The following ZPLD1 variants were observed in gnomAD, a reference collection of about 807,000 sequenced individuals.
The protein encoded by ZPLD1 is zona pellucida-like domain-containing protein 1.
A neutral mutation model predicts 47.2 loss-of-function variants in ZPLD1; 34 were observed. The ratio of observed to expected loss-of-function variants is 0.72; its 90% CI spans 0.55 to 0.96. ZPLD1 has a LOEUF of 0.96. ZPLD1 is among the 40% of genes least tolerant of loss of function. The pLI, the probability that ZPLD1 is intolerant of heterozygous loss-of-function variation, is 0.00. For synonymous variants in ZPLD1, 176 were observed against 186.2 expected (o/e 0.95, Z 0.45); for missense variants, 512 against 505.8 (o/e 1.01, Z -0.12).
chr3:102,422,955 G>A (rs1032914459), intron 8 of ZPLD1, among the ~76,000 whole-genome samples: 10 of 152,028 alleles, frequency 6.6e-5, no homozygotes, highest in African/African-American at 9.7e-5. Flanking sequence ...GGTGTGAAAT[G>A]TCATGGTTAT....
chr3:102,473,698 G>T (rs1266454535), intron 10 of ZPLD1, among the ~76,000 whole-genome samples: 1 of 152,090 alleles, frequency 6.6e-6, no homozygotes, highest in Non-Finnish European at 1.5e-5. Flanking sequence ...GTAATACTAT[G>T]ATATCCATGA....
At chr3:102,465,900 G>T (rs952607985) in intron 8 of ZPLD1, among the ~76,000 whole-genome samples, 1 of 152,058 alleles carries the variant, frequency 6.6e-6, no homozygotes, top group Non-Finnish European at 1.5e-5. Context: ...AAGAAAAGTG[G>T]GTGCTGAGGG....
intron 2 of ZPLD1, 51 bp from the exon 3 acceptor site, chr3:102,438,429 G>A: frequency 7.6e-7 from 1 of 1,310,236 alleles, no homozygotes; most frequent in Non-Finnish European, 1.1e-6. Context: ...CAGTAAGTAG[G>A]AGTGAAGGAG....
rs1029693582 is a variant in ZPLD1 at position 102,468,863 on chromosome 3, A to C, written c.762-101A>C. On this transcript the variant is annotated intron_variant, in intron 8 of 11. Coordinates refer to ENST00000466937, the MANE Select transcript of ZPLD1 (RefSeq NM_001329788.2). ...ACGTGGCATGGTTCTGTTAGCTCTTAATGTAATGGCGGAGTCTTAATACGG... is the reference window on the plus strand; with the variant it reads ...ACGTGGCATGGTTCTGTTAGCTCTTCATGTAATGGCGGAGTCTTAATACGG... 2.3e-5 allele frequency: 26 copies of C among 1,115,546 alleles called. 1 individual carries two copies. The highest frequency in any genetic ancestry group is 2.3e-4 in the South Asian group (14 of 60,170). 69.1% of individuals were successfully genotyped at this position (1,115,546 alleles called of 1,614,324 possible).
intron 7 of ZPLD1, among the ~76,000 whole-genome samples, chr3:102,463,006 A>G (rs1251581136): frequency 1.3e-5 from 2 of 152,178 alleles, no homozygotes; most frequent in African/African-American, 2.4e-5. Context: ...GGTATACTCT[A>G]TAAATTTAGT....
intron 5 of ZPLD1, among the ~76,000 whole-genome samples, 160 bp downstream of exon 5, chr3:102,456,534 G>A (rs1456448455): frequency 7.0e-6 from 1 of 142,840 alleles, no homozygotes; most frequent in South Asian, 2.3e-4. Context: ...ACCTCTATCT[G>A]TTTATCTATT....
Position 102,469,907 on chromosome 3 carries a change from C to T in ZPLD1, c.934-487C>T, listed in dbSNP as rs181135833. Among the ~76,000 whole-genome samples the T allele has an allele frequency of 2.6e-5, 4 of 152,222 alleles. No homozygotes were observed. The East Asian group carries it at 7.7e-4, about 29-fold the overall frequency. ...TATTAACCTGAGAAAAATGCATGCC[C>T]TTTTTTAATTTGAAATACCATTAAT... On this transcript the variant is annotated intron_variant, in intron 9 of 11. Coordinates refer to ENST00000466937, the MANE Select transcript of ZPLD1 (RefSeq NM_001329788.2).
At chr3:102,412,176 T>C (rs1284080630) in intron 7 of ZPLD1, among the ~76,000 whole-genome samples, 1 of 151,798 alleles carries the variant, frequency 6.6e-6, no homozygotes, top group African/African-American at 2.4e-5. Flanking sequence ...GTCTACTGAT[T>C]GTAAATAACA....
At chr3:102,430,762 T>G (rs548925106), upstream of ZPLD1, among the ~76,000 whole-genome samples, 10 of 152,346 alleles carry the variant, frequency 6.6e-5, no homozygotes, top group South Asian at 1.9e-3. Context: ...ATTCCTGTGC[T>G]GTGCCTTCTC....
intron 3 of ZPLD1, among the ~76,000 whole-genome samples, chr3:102,439,797 A>G (rs1490027572): frequency 1.3e-5 from 2 of 152,222 alleles, no homozygotes; most frequent in African/African-American, 4.8e-5. Flanking sequence ...TCCTTTACGT[A>G]TACGTCTAAT....
intron 8 of ZPLD1, among the ~76,000 whole-genome samples, chr3:102,426,162 A>T (rs939389753): frequency 3.3e-5 from 5 of 151,558 alleles, no homozygotes; most frequent in African/African-American, 1.2e-4. Flanking sequence ...ACACACATGC[A>T]CACACACACA....
chr3:102,398,225 G>A (rs905104659), intron 7 of ZPLD1, among the ~76,000 whole-genome samples: 1 of 151,810 alleles, frequency 6.6e-6, no homozygotes, highest in Non-Finnish European at 1.5e-5. Context: ...CTTGACCTTT[G>A]GTATATTATT....
chr3:102,466,618 T>C (rs2107350943), intron 8 of ZPLD1, among the ~76,000 whole-genome samples: 1 of 152,084 alleles, frequency 6.6e-6, no homozygotes, highest in African/African-American at 2.4e-5. Context: ...TGGAAATGTG[T>C]AAAGGAAACT....
rs1442840391 is a variant in ZPLD1, at chr3:102,422,658, G to A, written c.-9+4451G>A. On this transcript the variant is annotated intron_variant, in intron 8 of 17. Transcript: ENST00000491959. Reference sequence around the variant, plus strand: ...GGAGAGATGTCTTTGTGGAGGGTTGGTGGGCTTGGGAAGAGCTGCTTTATA... The same window carrying A: ...GGAGAGATGTCTTTGTGGAGGGTTGATGGGCTTGGGAAGAGCTGCTTTATA... Among the ~76,000 whole-genome samples, 10 of 152,136 alleles carry A rather than the reference G, an allele frequency of 6.6e-5. No homozygotes were observed. The East Asian group carries it at 1.7e-3, about 26-fold the overall frequency.
At chr3:102,425,710 C>T (rs376683814) in intron 8 of ZPLD1, among the ~76,000 whole-genome samples, 8 of 151,944 alleles carry the variant, frequency 5.3e-5, no homozygotes, top group East Asian at 3.9e-4. Flanking sequence ...ATATAATTTT[C>T]TTAGATTATG....
At chr3:102,420,699 A>T (rs115977702) in intron 8 of ZPLD1, among the ~76,000 whole-genome samples, 80 of 149,426 alleles carry the variant, frequency 5.4e-4, no homozygotes, top group Non-Finnish European at 9.4e-4. Flanking sequence ...TGCCGGCTGT[A>T]GTTTACCAAT....
intron 7 of ZPLD1, among the ~76,000 whole-genome samples, chr3:102,414,676 A>G (rs1706783746): frequency 1.3e-5 from 2 of 151,860 alleles, no homozygotes; most frequent in African/African-American, 4.8e-5. Flanking sequence ...AAATTATAGT[A>G]CAATAAATAC....
At chr3:102,422,680 T>C (rs1706894928) in intron 8 of ZPLD1, among the ~76,000 whole-genome samples, 1 of 152,032 alleles carries the variant, frequency 6.6e-6, no homozygotes, top group Non-Finnish European at 1.5e-5. Flanking sequence ...AGAGCTGCTT[T>C]ATAGCTGGAA....
chr3:102,407,754 C>T (rs924919258), intron 7 of ZPLD1, among the ~76,000 whole-genome samples: 4 of 151,554 alleles, frequency 2.6e-5, no homozygotes, highest in Admixed American at 6.6e-5. Context: ...AGAGAGACAT[C>T]GTTTTTAATA....
Sources: gnomAD v4.1 joint callset for allele counts (sites outside exome capture counted in the v4.1 genomes callset) on GRCh38, gnomAD v4.1.1 for gene constraint, MANE v1.5 for transcripts, NCBI Gene and HGNC (gene_info 2026-07-23, HGNC 2026-07-21) for gene names.